INSL6: variants seen among roughly 807,000 people sequenced by gnomAD.
INSL6 encodes insulin-like peptide INSL6.
Under a neutral mutation model 9.4 loss-of-function variants are expected in INSL6, and 16 were observed. The ratio of observed to expected loss-of-function variants is 1.70; its 90% confidence interval spans 1.15 to 2.59. INSL6 has a LOEUF of 2.59. Among genes scored for constraint, INSL6 ranks in the 30% most tolerant of loss-of-function variants. INSL6 has a pLI of 0.00. For missense variants in INSL6, 391 were observed against 257.3 expected, an observed-to-expected ratio of 1.52 and a Z score of -3.56; for synonymous variants, 154 against 96.9, an observed-to-expected ratio of 1.59 and a Z score of -3.46.
intron 1 of INSL6, among the ~76,000 whole-genome samples, chr9:5,174,214 C>G (rs1378363413): frequency 3.3e-5 from 5 of 152,176 alleles, no homozygotes; most frequent in East Asian, 3.8e-4. Context: ...AAACACATTT[C>G]TCTTGGCCCC....
At chr9:5,129,979 A>G (rs1161832852) in intron 3 of INSL6, among the ~76,000 whole-genome samples, 1 of 152,174 alleles carries the variant, frequency 6.6e-6, no homozygotes, top group Non-Finnish European at 1.5e-5. Flanking sequence ...GCCAGATGGC[A>G]TTGCTTAGTT....
chr9:5,111,744 A>G, the INSL6 span: 3 of 428,076 alleles, frequency 7.0e-6, no homozygotes, highest in South Asian at 5.2e-5. Flanking sequence ...TACCGGCTGC[A>G]CGGAGGAGAA....
At chr9:5,125,486 G>A (rs917247514) in intron 3 of INSL6, among the ~76,000 whole-genome samples, 9 of 151,304 alleles carry the variant, frequency 5.9e-5, no homozygotes, top group African/African-American at 1.9e-4. Context: ...ACATCCTCAT[G>A]CATAAATATT....
the INSL6 span, among the ~76,000 whole-genome samples, chr9:5,090,276 T>C: frequency 2.6e-5 from 4 of 152,342 alleles, no homozygotes; most frequent in East Asian, 7.7e-4. Flanking sequence ...TCAAAAGTTT[T>C]TGATTCAAAA....
At chr9:5,066,955 TATA>T in the INSL6 span, among the ~76,000 whole-genome samples, 1 of 152,114 alleles carries the variant, frequency 6.6e-6, no homozygotes, top group African/African-American at 2.4e-5. Context: ...ATAAACAAGT[TATA>T]ATTCCCAGGG....
At chr9:5,184,461 C>G (rs955695337) in intron 1 of INSL6, among the ~76,000 whole-genome samples, 3 of 152,164 alleles carry the variant, frequency 2.0e-5, no homozygotes, top group Non-Finnish European at 2.9e-5. Context: ...ACAAGAATAT[C>G]CTTCCTGCAG....
At chr9:5,148,983 C>G (rs1244440563) in intron 2 of INSL6, among the ~76,000 whole-genome samples, 2 of 152,220 alleles carry the variant, frequency 1.3e-5, no homozygotes, top group Non-Finnish European at 2.9e-5. Flanking sequence ...CAGCAGTTAG[C>G]TGGGGCCAGA....
chr9:5,134,601 G>A (rs919207679), intron 2 of INSL6, among the ~76,000 whole-genome samples: 3 of 152,146 alleles, frequency 2.0e-5, no homozygotes, highest in African/African-American at 7.2e-5. Flanking sequence ...CTTCGTAATT[G>A]AAGGAGAAAT....
chr9:5,135,332 G>T (rs1824370729), intron 2 of INSL6, among the ~76,000 whole-genome samples: 1 of 151,868 alleles, frequency 6.6e-6, no homozygotes, highest in East Asian at 1.9e-4. Flanking sequence ...GGACCAAGCA[G>T]ACCTAACAGA....
chr9:5,106,289 A>G, the INSL6 span, among the ~76,000 whole-genome samples: 1 of 152,380 alleles, frequency 6.6e-6, no homozygotes, highest in South Asian at 2.1e-4. Flanking sequence ...CAACAGACAT[A>G]TAAAAAATGC....
downstream of INSL6, among the ~76,000 whole-genome samples, chr9:5,162,117 A>G (rs1411892248): frequency 2.0e-5 from 3 of 152,222 alleles, no homozygotes; most frequent in East Asian, 5.8e-4. Context: ...TATTGACATC[A>G]GTAGTACTGA....
chr9:5,143,674 T>C (rs1365740122), intron 2 of INSL6, among the ~76,000 whole-genome samples: 1 of 151,944 alleles, frequency 6.6e-6, no homozygotes, highest in Non-Finnish European at 1.5e-5. Context: ...TTTTTTTTTT[T>C]TTTCAGATGA....
chr9:5,004,250 A>C, the INSL6 span, among the ~76,000 whole-genome samples: 22 of 152,118 alleles, frequency 1.4e-4, no homozygotes, highest in Admixed American at 1.4e-3. Flanking sequence ...ATCTAACAGA[A>C]ATTTCGTATC....
chr9:5,042,046 C>T, the INSL6 span: 165,784 of 293,396 alleles, frequency 0.57, 50,196 homozygotes, highest in African/African-American at 0.88. Context: ...AGCCAGGACA[C>T]AGACTGCAGG....
the INSL6 span, chr9:5,050,851 C>A: frequency 6.3e-7 from 1 of 1,595,976 alleles, no homozygotes; most frequent in South Asian, 1.1e-5. Flanking sequence ...TTTTGCAAAT[C>A]CTTACACATA....
At chr9:5,067,782 A>T in the INSL6 span, among the ~76,000 whole-genome samples, 1 of 152,190 alleles carries the variant, frequency 6.6e-6, no homozygotes, top group African/African-American at 2.4e-5. Flanking sequence ...ATTTTCAAAT[A>T]TACAAAAAAT....
intron 1 of INSL6, among the ~76,000 whole-genome samples, chr9:5,169,011 G>A (rs760463698): frequency 1.3e-5 from 2 of 150,914 alleles, no homozygotes; most frequent in Non-Finnish European, 2.9e-5. Flanking sequence ...CTGCAACCTC[G>A]GCCTCCAGGG....
At chr9:5,041,135 G>T in the INSL6 span, 1 of 994,676 alleles carries the variant, frequency 1.0e-6, no homozygotes, top group South Asian at 1.4e-5. Flanking sequence ...GCTCCTGATC[G>T]CCATCCGGCT....
Position 5,177,331 on chromosome 9 carries a change from C to T in INSL6, c.289+7983G>A, listed in dbSNP as rs142688933. Among the ~76,000 whole-genome samples the T allele has an allele frequency of 2.3e-3, 346 of 152,268 alleles. 2 individuals are homozygous for T. The highest frequency in any genetic ancestry group is 7.9e-3 in the African/African-American group (330 of 41,550). Reference sequence around the variant, plus strand: ...AGGAAAGTGGTGAGTGATTGTGCCACCCCGCCCGGGAAATCACATTTCTCC... The same window carrying T: ...AGGAAAGTGGTGAGTGATTGTGCCATCCCGCCCGGGAAATCACATTTCTCC... On this transcript the variant is annotated intron_variant, in intron 1 of 1. Coordinates refer to ENST00000381641, the MANE Select transcript of INSL6 (RefSeq NM_007179.3).
Sources: allele counts gnomAD v4.1 joint callset (sites outside exome capture counted in the v4.1 genomes callset), GRCh38; gene constraint gnomAD v4.1.1; transcripts MANE v1.5; gene names NCBI Gene and HGNC (gene_info 2026-07-23, HGNC 2026-07-21).